HIVEP3: variants seen among roughly 807,000 people sequenced by gnomAD.
HIVEP3 encodes the protein transcription factor HIVEP3.
HIVEP3 carries 49 observed loss-of-function variants against 152.8 expected under a neutral mutation model. The observed-to-expected ratio is 0.32, with a 90% CI of 0.26 to 0.41. The LOEUF is 0.41. HIVEP3 is among the 10% of genes least tolerant of loss of function. The pLI, the probability that HIVEP3 is intolerant of heterozygous loss-of-function variation, is 1.00. For synonymous variants in HIVEP3, 1,269 were observed against 1,289.0 expected, an observed-to-expected ratio of 0.98 and a Z score of 0.33; for missense variants, 2,790 against 3,103.3, an observed-to-expected ratio of 0.90 and a Z score of 2.40.
At chr1:41,644,941 T>C (rs1412453732) in intron 2 of HIVEP3, among the ~76,000 whole-genome samples, 1 of 152,146 alleles carries the variant, frequency 6.6e-6, no homozygotes, top group Admixed American at 6.5e-5. Context: ...CATCTCCCTG[T>C]ATTTTTATAC....
At chr1:41,940,544 T>C (rs1230530495) in intron 1 of HIVEP3, among the ~76,000 whole-genome samples, 4 of 152,198 alleles carry the variant, frequency 2.6e-5, no homozygotes, top group Non-Finnish European at 2.9e-5. Context: ...TAAGAGAACA[T>C]ACTATCAAGA....
intron 1 of HIVEP3, among the ~76,000 whole-genome samples, chr1:41,843,753 C>T (rs1643357123): frequency 6.6e-6 from 1 of 152,170 alleles, no homozygotes; most frequent in Non-Finnish European, 1.5e-5. Flanking sequence ...CCTTTACACA[C>T]ATTCTGATTT....
chr1:41,682,442 G>C (rs753365933), intron 2 of HIVEP3, among the ~76,000 whole-genome samples: 13 of 152,182 alleles, frequency 8.5e-5, no homozygotes, highest in Non-Finnish European at 1.8e-4. Flanking sequence ...CCCCAAGCAG[G>C]CTCTGGGAGG....
intron 1 of HIVEP3, among the ~76,000 whole-genome samples, chr1:41,829,745 A>G (rs1642907913): frequency 6.6e-6 from 1 of 151,972 alleles, no homozygotes; most frequent in Non-Finnish European, 1.5e-5. Flanking sequence ...GAGTCCATAT[A>G]ATTTTAGACT....
At chr1:41,991,806 A>G (rs1447309772) in intron 1 of HIVEP3, among the ~76,000 whole-genome samples, 1 of 129,460 alleles carries the variant, frequency 7.7e-6, no homozygotes, top group African/African-American at 3.1e-5. Context: ...CACCATGATC[A>G]AGTGGGCTTC....
chr1:41,639,103 A>G (rs1451240012), intron 2 of HIVEP3, among the ~76,000 whole-genome samples: 1 of 152,072 alleles, frequency 6.6e-6, no homozygotes, highest in Non-Finnish European at 1.5e-5. Context: ...GTCAAATTTG[A>G]TCTGTGTGGG....
At chr1:41,647,652 G>C (rs1469507876) in intron 2 of HIVEP3, among the ~76,000 whole-genome samples, 1 of 152,200 alleles carries the variant, frequency 6.6e-6, no homozygotes, top group East Asian at 1.9e-4. Context: ...TCCAGCAGGG[G>C]GAACATAGGG....
At chr1:41,868,965 G>A (rs1644031477) in intron 1 of HIVEP3, among the ~76,000 whole-genome samples, 1 of 152,214 alleles carries the variant, frequency 6.6e-6, no homozygotes, top group South Asian at 2.1e-4. Context: ...GGAAGCAACA[G>A]TTCAGAATGT....
intron 2 of HIVEP3, among the ~76,000 whole-genome samples, chr1:41,690,804 G>A (rs1238365276): frequency 6.6e-6 from 1 of 152,200 alleles, no homozygotes; most frequent in Middle Eastern, 3.2e-3. Context: ...TGTAATCCCA[G>A]CTACTCGGGA....
chr1:41,785,582 A>ATAAGTCACT (rs1446566854), intron 1 of HIVEP3, among the ~76,000 whole-genome samples: 44 of 152,246 alleles, frequency 2.9e-4, no homozygotes, highest in African/African-American at 8.7e-4. Context: ...TCTGGCTTTG[A>ATAAGTCACT]AAATATTTAT....
intron 2 of HIVEP3, among the ~76,000 whole-genome samples, chr1:41,661,241 G>C (rs961747709): frequency 1.3e-5 from 2 of 152,144 alleles, no homozygotes; most frequent in Non-Finnish European, 2.9e-5. Context: ...CTATGTCCTT[G>C]ATGAAACATC....
intron 2 of HIVEP3, among the ~76,000 whole-genome samples, chr1:41,654,082 T>C (rs1473420033): frequency 6.6e-6 from 1 of 151,726 alleles, no homozygotes; most frequent in Non-Finnish European, 1.5e-5. Flanking sequence ...ATTCATTATA[T>C]AGATATATAG....
chr1:41,947,574 G>T (rs1167598224), intron 1 of HIVEP3, among the ~76,000 whole-genome samples: 1 of 152,212 alleles, frequency 6.6e-6, no homozygotes, highest in East Asian at 1.9e-4. Flanking sequence ...TACCCATTTA[G>T]TAAGATGAAC....
intron 3 of HIVEP3, among the ~76,000 whole-genome samples, chr1:41,596,841 C>A (rs964836814): frequency 6.6e-6 from 1 of 152,106 alleles, no homozygotes; most frequent in Non-Finnish European, 1.5e-5. Flanking sequence ...ACCTTCCTTC[C>A]CTGTATCTGA....
At chr1:41,541,997 G>T (rs1643541308) in intron 5 of HIVEP3, 1 of 152,240 alleles carries the variant, frequency 6.6e-6, no homozygotes, top group Admixed American at 6.5e-5. Flanking sequence ...TAGGTTATGT[G>T]CTTGGAAGAG....
chr1:41,849,959 G>T lies in HIVEP3; in HGVS notation c.-801+68454C>A, dbSNP rs1026360788. Among the ~76,000 whole-genome samples, 56 of 152,102 alleles carry T rather than the reference G, an allele frequency of 3.7e-4. 1 individual carries two copies. Among genetic ancestry groups the T allele is most frequent in the Admixed American group, 2.6e-4 (4 of 15,266 alleles). Reference sequence around the variant, plus strand: ...CCACCTTGGCCTCCTAAAGTGCTGGGATTACAGGCATGAGACACCACGCCT... The same window carrying T: ...CCACCTTGGCCTCCTAAAGTGCTGGTATTACAGGCATGAGACACCACGCCT... On this transcript the variant is annotated intron_variant, in intron 1 of 8. Transcript: ENST00000372583.
intron 2 of HIVEP3, among the ~76,000 whole-genome samples, chr1:41,699,104 T>A (rs1000351801): frequency 6.6e-6 from 1 of 152,228 alleles, no homozygotes; most frequent in African/African-American, 2.4e-5. Context: ...TGCCCATCAG[T>A]TGCCACTCAC....
rs568595348 is a variant in HIVEP3 at position 41,956,492 on chromosome 1, G to A, written n.120-37968C>T. Among the ~76,000 whole-genome samples the A allele has an allele frequency of 2.6e-5, 4 of 152,332 alleles. No individual in the cohort carries two copies. The East Asian group carries it at 5.8e-4, about 22-fold the overall frequency. On this transcript the variant is annotated intron_variant and non_coding_transcript_variant, in intron 1 of 3. Coordinates refer to the HIVEP3 transcript ENST00000489103. ...CTAGGAATCTATTCCAAGAATTTCT[G>A]TAACTAAAGCCAGTTCAGATCAGCC...
At chr1:41,767,296 T>C (rs1648073164) in intron 1 of HIVEP3, among the ~76,000 whole-genome samples, 1 of 152,174 alleles carries the variant, frequency 6.6e-6, no homozygotes, top group East Asian at 1.9e-4. Flanking sequence ...GTGCTGGGGA[T>C]TAAAGAGGAC....
Sources: allele counts gnomAD v4.1 joint callset (sites outside exome capture counted in the v4.1 genomes callset), GRCh38; gene constraint gnomAD v4.1.1; transcripts MANE v1.5; gene names NCBI Gene and HGNC (gene_info 2026-07-23, HGNC 2026-07-21).